The following PTN variants were observed in gnomAD, a reference collection of about 807,000 sequenced individuals.
The protein encoded by PTN is heparin affin regulatory protein.
In PTN, 18 loss-of-function variants were observed where a neutral mutation model predicts 24.1. The ratio of observed to expected loss-of-function variants is 0.75; its 90% CI spans 0.52 to 1.11. PTN has a LOEUF of 1.11. PTN is among the 50% of genes least tolerant of loss of function. The pLI, the probability that PTN is intolerant of heterozygous loss-of-function variation, is 0.00. For missense variants in PTN, 163 were observed against 198.8 expected (o/e 0.82, Z 1.08); for synonymous variants, 78 against 68.6 (o/e 1.14, Z -0.67).
intron 1 of PTN, among the ~76,000 whole-genome samples, chr7:137,336,478 T>C (rs1052438550): frequency 6.6e-6 from 1 of 152,096 alleles, no homozygotes; most frequent in African/African-American, 2.4e-5. Flanking sequence ...TGCTCTCCTA[T>C]ACCTTATGGG....
chr7:137,231,899 A>G (rs1218977209), intron 4 of PTN, among the ~76,000 whole-genome samples: 1 of 151,958 alleles, frequency 6.6e-6, no homozygotes, highest in Admixed American at 6.6e-5. Flanking sequence ...GTCCCAGTTT[A>G]GTCGCCTTTC....
chr7:137,230,830 A>T (rs1248303999), intron 4 of PTN, among the ~76,000 whole-genome samples: 1 of 151,906 alleles, frequency 6.6e-6, no homozygotes, highest in Non-Finnish European at 1.5e-5. Context: ...AAACTGAAAC[A>T]TTCACATTGC....
At chr7:137,228,429 G>A (rs1189344218) in intron 4 of PTN, among the ~76,000 whole-genome samples, 1 of 151,780 alleles carries the variant, frequency 6.6e-6, no homozygotes, top group East Asian at 1.9e-4. Context: ...AAATACAGCA[G>A]ACATCTCTTA....
At chr7:137,232,969 G>A (rs187238480) in intron 4 of PTN, among the ~76,000 whole-genome samples, 1 of 151,952 alleles carries the variant, frequency 6.6e-6, no homozygotes, top group Non-Finnish European at 1.5e-5. Flanking sequence ...GTGGAACTGT[G>A]AGGGAATTAA....
intron 1 of PTN, chr7:137,318,529 G>A (rs1478330931): frequency 6.6e-6 from 1 of 152,158 alleles, no homozygotes; most frequent in Admixed American, 6.5e-5. Flanking sequence ...GAAAATAAAT[G>A]GTAGGCTCTA....
intron 1 of PTN, among the ~76,000 whole-genome samples, chr7:137,265,835 C>T (rs1177768749): frequency 1.3e-5 from 2 of 151,576 alleles, no homozygotes; most frequent in South Asian, 4.1e-4. Context: ...TCTTAATTGC[C>T]AAAGTTTGTT....
At chr7:137,335,538 A>G (rs894683994) in intron 1 of PTN, among the ~76,000 whole-genome samples, 3 of 152,210 alleles carry the variant, frequency 2.0e-5, no homozygotes, top group African/African-American at 7.2e-5. Context: ...TCATGACTGG[A>G]GCATTCTGAT....
intron 1 of PTN, among the ~76,000 whole-genome samples, chr7:137,316,496 A>C (rs1418330576): frequency 6.6e-6 from 1 of 152,184 alleles, no homozygotes; most frequent in Non-Finnish European, 1.5e-5. Flanking sequence ...GCATCTGTCA[A>C]GTGGTGTAAT....
At chr7:137,284,776 G>A (rs1018164289) in intron 1 of PTN, among the ~76,000 whole-genome samples, 1 of 152,062 alleles carries the variant, frequency 6.6e-6, no homozygotes, top group Non-Finnish European at 1.5e-5. Context: ...CACCTGTTCC[G>A]TAAAGACTTA....
rs144652687 is a variant in PTN at position 137,328,247 on chromosome 7, A to G, written c.-2+15192T>C. ...ATCCTGGGGTTCCTTCATGCTTTGC[A>G]GCTTTCTAGGTTTTGCCTCTTGTCA... On this transcript the variant is annotated intron_variant, in intron 1 of 4. Coordinates refer to ENST00000348225, the MANE Select transcript of PTN (RefSeq NM_002825.7). Among the ~76,000 whole-genome samples the G allele has an allele frequency of 9.4e-3, 1,426 of 152,218 alleles. 16 individuals are homozygous for G. The highest frequency in any genetic ancestry group is 0.065 in the Middle Eastern group (19 of 294).
chr7:137,292,721 A>G (rs934820092), intron 1 of PTN, among the ~76,000 whole-genome samples: 9 of 152,174 alleles, frequency 5.9e-5, no homozygotes, highest in Non-Finnish European at 1.3e-4. Flanking sequence ...GACAAGAACA[A>G]AAGTCTGTAC....
chr7:137,324,941 G>C (rs1490480626), intron 1 of PTN: 1 of 152,174 alleles, frequency 6.6e-6, no homozygotes, highest in Non-Finnish European at 1.5e-5. Flanking sequence ...TTGTTTCAGA[G>C]TATGAAACAG....
chr7:137,307,084 G>A (rs1249120627), intron 1 of PTN, among the ~76,000 whole-genome samples: 1 of 152,100 alleles, frequency 6.6e-6, no homozygotes, highest in Non-Finnish European at 1.5e-5. Context: ...ATTCAATTAG[G>A]TATCGGTGGC....
In PTN at chr7:137,336,437, C is replaced by A. The variant is rs530848487; in HGVS notation, c.-2+7002G>T. Among the ~76,000 whole-genome samples, 173 of 152,212 alleles carry A rather than the reference C, an allele frequency of 1.1e-3. 2 individuals are homozygous for A. In the Middle Eastern group the frequency reaches 0.017, roughly 15 times the overall value. On this transcript the variant is annotated intron_variant, in intron 1 of 4. Coordinates refer to ENST00000348225, the MANE Select transcript of PTN (RefSeq NM_002825.7). ...CTAAGGTCAGCAATAAAGTGCCTGT[C>A]TCTTGGATTGGGAGTCTTCTGTATG...
chr7:137,319,877 C>T (rs913025846), intron 1 of PTN, among the ~76,000 whole-genome samples: 1 of 152,110 alleles, frequency 6.6e-6, no homozygotes, highest in East Asian at 1.9e-4. Flanking sequence ...CATCCAAGGG[C>T]CAAAGGGAGT....
chr7:137,297,896 T>C (rs1239498461), intron 1 of PTN, among the ~76,000 whole-genome samples: 1 of 92,600 alleles, frequency 1.1e-5, no homozygotes, highest in African/African-American at 3.5e-5. Context: ...GCTAGAAGCT[T>C]TCCAAAGTGG....
At chr7:137,302,806 A>G (rs1403484874) in intron 1 of PTN, among the ~76,000 whole-genome samples, 1 of 151,974 alleles carries the variant, frequency 6.6e-6, no homozygotes, top group Non-Finnish European at 1.5e-5. Flanking sequence ...AGGATGTGCC[A>G]TTTAATGGTA....
chr7:137,249,981 C>G (rs923685947), intron 4 of PTN, among the ~76,000 whole-genome samples: 1 of 152,148 alleles, frequency 6.6e-6, no homozygotes, highest in African/African-American at 2.4e-5. Flanking sequence ...AGGAAACCAG[C>G]CAATCTCCAT....
chr7:137,333,772 C>T (rs935819520), intron 1 of PTN, among the ~76,000 whole-genome samples: 6 of 152,160 alleles, frequency 3.9e-5, no homozygotes, highest in East Asian at 1.9e-4. Context: ...GGAGGCATCA[C>T]GCTACCTGAC....
Sources: gnomAD v4.1 joint callset for allele counts (sites outside exome capture counted in the v4.1 genomes callset) on GRCh38, gnomAD v4.1.1 for gene constraint, MANE v1.5 for transcripts, NCBI Gene and HGNC (gene_info 2026-07-23, HGNC 2026-07-21) for gene names.